MARCHF1: variants seen among roughly 807,000 people sequenced by gnomAD.
MARCHF1 encodes the protein membrane associated ring-CH-type finger 1.
A neutral mutation model predicts 54.2 loss-of-function variants in MARCHF1; 40 were observed. The observed-to-expected ratio is 0.74, with a 90% CI of 0.57 to 0.96. The LOEUF (loss-of-function observed/expected upper bound fraction) is 0.96. Among genes scored for constraint, MARCHF1 ranks in the 40% least tolerant of loss-of-function variants. The pLI is 0.00. For synonymous variants in MARCHF1, 236 were observed against 236.3 expected (o/e 1.00, Z 0.01); for missense variants, 586 against 656.5 (o/e 0.89, Z 1.17).
chr4:164,195,623 C>A (rs1329987032), intron 1 of MARCHF1, among the ~76,000 whole-genome samples: 1 of 152,060 alleles, frequency 6.6e-6, no homozygotes, highest in East Asian at 1.9e-4. Flanking sequence ...AGAATTTAAA[C>A]CCGGATAGTC....
At chr4:164,176,556 G>C (rs191682752) in intron 1 of MARCHF1, among the ~76,000 whole-genome samples, 1 of 152,010 alleles carries the variant, frequency 6.6e-6, no homozygotes, top group Non-Finnish European at 1.5e-5. Flanking sequence ...TGACAAAAAC[G>C]ATACAGGAGT....
intron 1 of MARCHF1, among the ~76,000 whole-genome samples, chr4:164,233,154 GAATA>G (rs1480010899): frequency 1.3e-5 from 2 of 151,742 alleles, no homozygotes; most frequent in African/African-American, 4.8e-5. Flanking sequence ...TGTGTTTGTT[GAATA>G]AATAAATAAA....
chr4:163,736,391 A>G (rs1233001991), intron 4 of MARCHF1, among the ~76,000 whole-genome samples: 2 of 152,296 alleles, frequency 1.3e-5, no homozygotes, highest in Non-Finnish European at 2.9e-5. Context: ...GGTGGGATGG[A>G]GCAGGACATT....
chr4:163,733,213 A>ACACGTG (rs1554008851), intron 4 of MARCHF1, among the ~76,000 whole-genome samples: 6 of 36,146 alleles, frequency 1.7e-4, no homozygotes, highest in African/African-American at 3.9e-4. Context: ...ATATATATAT[A>ACACGTG]TATATATACA....
At chr4:163,849,026 T>C (rs376044126) in intron 4 of MARCHF1, among the ~76,000 whole-genome samples, 1 of 152,222 alleles carries the variant, frequency 6.6e-6, no homozygotes, top group Admixed American at 6.5e-5. Context: ...TTTGTCTTTA[T>C]GCCACAGTGC....
intron 5 of MARCHF1, among the ~76,000 whole-genome samples, chr4:163,655,407 C>T (rs1355834081): frequency 6.6e-6 from 1 of 151,652 alleles, no homozygotes; most frequent in Non-Finnish European, 1.5e-5. Context: ...ATTCATGAAA[C>T]AAGTTCTTAG....
intron 1 of MARCHF1, among the ~76,000 whole-genome samples, chr4:164,360,056 C>A (rs893555967): frequency 6.6e-6 from 1 of 152,044 alleles, no homozygotes; most frequent in Admixed American, 6.6e-5. Context: ...GCAGGTATTG[C>A]ACACCTATTA....
chr4:164,085,031 T>C (rs1332743510), intron 2 of MARCHF1, among the ~76,000 whole-genome samples: 3 of 151,838 alleles, frequency 2.0e-5, no homozygotes, highest in Non-Finnish European at 3.0e-5. Flanking sequence ...CTATGTTCTA[T>C]AGCTTGATTT....
At chr4:164,271,910 T>C (rs1316587611) in intron 1 of MARCHF1, among the ~76,000 whole-genome samples, 1 of 151,970 alleles carries the variant, frequency 6.6e-6, no homozygotes, top group East Asian at 1.9e-4. Context: ...TGAATAAATA[T>C]ACATTTAGAA....
At chr4:164,074,291 G>C (rs553142480) in intron 2 of MARCHF1, among the ~76,000 whole-genome samples, 3 of 152,290 alleles carry the variant, frequency 2.0e-5, no homozygotes, top group African/African-American at 7.2e-5. Flanking sequence ...CAAAAAGCAA[G>C]TGATGGTGAT....
At chr4:164,003,263 A>T (rs1235656666) in intron 2 of MARCHF1, among the ~76,000 whole-genome samples, 1 of 151,998 alleles carries the variant, frequency 6.6e-6, no homozygotes, top group East Asian at 1.9e-4. Flanking sequence ...AAAATAAGTC[A>T]TGAAGAAGTA....
chr4:164,004,125 G>T (rs911813992), intron 2 of MARCHF1, among the ~76,000 whole-genome samples: 1 of 151,932 alleles, frequency 6.6e-6, no homozygotes, highest in South Asian at 2.1e-4. Context: ...ACACACACTG[G>T]GGCCTGTCGA....
chr4:163,525,405 A>G lies in MARCHF1; in HGVS notation c.*3343T>C, dbSNP rs1180659391. On this transcript the variant is annotated 3_prime_UTR_variant, in exon 10 of 10. Coordinates refer to ENST00000514618, the MANE Select transcript of MARCHF1 (RefSeq NM_001394959.1). Reference sequence around the variant, plus strand: ...CTGGGGTGTTTTGAAAGACTCCTTCAGTCTACACCTATCTTCCTTCAGGTT... The same window carrying G: ...CTGGGGTGTTTTGAAAGACTCCTTCGGTCTACACCTATCTTCCTTCAGGTT... 2.0e-5 allele frequency: 3 copies of G among 152,120 alleles called. No individual in the cohort carries two copies. The highest frequency in any genetic ancestry group is 4.4e-5 in the Non-Finnish European group (3 of 68,012). 9.4% of individuals were successfully genotyped at this position (152,120 alleles called of 1,614,324 possible). A position where few individuals can be genotyped will look rare whatever the true frequency, so the allele number is the denominator to read the frequency against.
intron 4 of MARCHF1, among the ~76,000 whole-genome samples, chr4:163,815,255 C>A (rs1748502316): frequency 6.6e-6 from 1 of 151,966 alleles, no homozygotes. Flanking sequence ...AATCAATGTG[C>A]ATACTATAAA....
chr4:163,651,045 A>G (rs532839776), intron 5 of MARCHF1, among the ~76,000 whole-genome samples: 1 of 152,106 alleles, frequency 6.6e-6, no homozygotes, highest in South Asian at 2.1e-4. Flanking sequence ...TCCCAGTCTG[A>G]CACTTATCAG....
intron 4 of MARCHF1, among the ~76,000 whole-genome samples, chr4:163,758,181 C>T (rs142816265): frequency 2.0e-5 from 3 of 152,254 alleles, no homozygotes; most frequent in African/African-American, 7.2e-5. Flanking sequence ...GGGCCAGTCA[C>T]TTGGCTGAGG....
At chr4:163,994,257 AGTGTGTGTGTGTGTGT>A (rs769035806) in intron 2 of MARCHF1, among the ~76,000 whole-genome samples, 130 of 137,128 alleles carry the variant, frequency 9.5e-4, no homozygotes, top group African/African-American at 3.5e-3. Flanking sequence ...ATAGAGAAAA[AGTGTGTGTGTGTGTGT>A]GTGTGTGTGT....
At chr4:163,968,886 C>T (rs551753675) in intron 3 of MARCHF1, among the ~76,000 whole-genome samples, 1 of 152,200 alleles carries the variant, frequency 6.6e-6, no homozygotes, top group South Asian at 2.1e-4. Flanking sequence ...TGTGTCTAGA[C>T]AAAGTGCATT....
intron 7 of MARCHF1, among the ~76,000 whole-genome samples, chr4:163,591,894 G>A (rs867771057): frequency 6.6e-6 from 1 of 152,144 alleles, no homozygotes; most frequent in African/African-American, 2.4e-5. Flanking sequence ...AAACTGATCT[G>A]CAGTGGAAAG....
Sources: allele counts gnomAD v4.1 joint callset (sites outside exome capture counted in the v4.1 genomes callset), GRCh38; gene constraint gnomAD v4.1.1; transcripts MANE v1.5; gene names NCBI Gene and HGNC (gene_info 2026-07-23, HGNC 2026-07-21).